Variants in CAST observed in about 807,000 individuals in gnomAD.
CAST encodes the protein calpastatin, also known as MIR583 host.
In CAST, 76 loss-of-function variants were observed where a neutral mutation model predicts 119.6. That is an observed-to-expected ratio of 0.64 (90% CI 0.53 to 0.77). CAST has a LOEUF of 0.77. CAST is among the 30% of genes least tolerant of loss of function. CAST has a pLI of 0.00. For missense variants in CAST, 953 were observed against 946.5 expected (o/e 1.01, Z -0.09); for synonymous variants, 319 against 331.6 (o/e 0.96, Z 0.41).
At chr5:96,479,456 T>A in the CAST span, among the ~76,000 whole-genome samples, 36 of 138,598 alleles carry the variant, frequency 2.6e-4, no homozygotes, top group Admixed American at 2.5e-3. Flanking sequence ...ACTCCTTATT[T>A]TTTTTTTTTT....
intron 1 of CAST, among the ~76,000 whole-genome samples, chr5:96,561,784 A>ATGGTTT (rs1561417109): frequency 5.1e-4 from 19 of 37,574 alleles, no homozygotes; most frequent in Non-Finnish European, 9.9e-4. Flanking sequence ...TATTATATAT[A>ATGGTTT]TGTTTTTTTT....
the CAST span, among the ~76,000 whole-genome samples, chr5:96,192,673 C>T: frequency 2.0e-5 from 3 of 152,206 alleles, no homozygotes; most frequent in Non-Finnish European, 4.4e-5. Flanking sequence ...ATACTTCCTA[C>T]CCCATCAACG....
At chr5:96,726,753 G>A (rs764927238) in intron 4 of CAST, 41 bp from the exon 5 acceptor site, 148 of 1,421,412 alleles carry the variant, frequency 1.0e-4, no homozygotes, top group Non-Finnish European at 1.4e-4. Flanking sequence ...TTGACTGACA[G>A]ATAAAATAAA....
rs554664689 is a variant in CAST, at chr5:96,561,096, G to A, written c.60+31216G>A. ...AAAGCATCATTCTGAGCAAACTATC[G>A]CAAGGACAAAACACCAAACACCACA... On this transcript the variant is annotated intron_variant, in intron 1 of 11. Transcript: ENST00000505143. Among the ~76,000 whole-genome samples, 6 of 149,914 alleles carry A rather than the reference G, an allele frequency of 4.0e-5. No individual in the cohort carries two copies. The South Asian group carries it at 8.5e-4, about 21-fold the overall frequency.
chr5:96,506,938 T>G, the CAST span, among the ~76,000 whole-genome samples: 2 of 152,100 alleles, frequency 1.3e-5, no homozygotes, highest in Non-Finnish European at 2.9e-5. Flanking sequence ...GGAGCCAAAC[T>G]CCTAAAGATT....
intron 27 of CAST, 101 bp from the exon 28 acceptor site, chr5:96,767,337 T>C (rs1770352330): frequency 1.1e-6 from 1 of 904,496 alleles, no homozygotes; most frequent in East Asian, 2.5e-5. Context: ...CACTCCATTT[T>C]ATCCAAGTCA....
chr5:96,688,892 G>C (rs901237119), intron 2 of CAST, among the ~76,000 whole-genome samples: 4 of 152,112 alleles, frequency 2.6e-5, no homozygotes, highest in Admixed American at 2.0e-4. Flanking sequence ...ACCTTAAAGA[G>C]AGAAGTGCTG....
At chr5:96,455,782 C>A in the CAST span, among the ~76,000 whole-genome samples, 1 of 152,220 alleles carries the variant, frequency 6.6e-6, no homozygotes, top group African/African-American at 2.4e-5. Flanking sequence ...CATATTTTTT[C>A]TCTTTTGCTG....
chr5:96,003,976 T>C, the CAST span, among the ~76,000 whole-genome samples: 237 of 152,286 alleles, frequency 1.6e-3, no homozygotes, highest in African/African-American at 4.9e-3. Flanking sequence ...TTAGGACAGC[T>C]CCCGCTTTTA....
the CAST span, among the ~76,000 whole-genome samples, chr5:96,071,101 C>A: frequency 7.2e-5 from 11 of 152,184 alleles, no homozygotes; most frequent in Admixed American, 4.6e-4. Context: ...GCCAAGATCA[C>A]GACCCATTTA....
chr5:96,559,196 T>C (rs931875319), intron 1 of CAST, among the ~76,000 whole-genome samples: 2 of 152,096 alleles, frequency 1.3e-5, no homozygotes, highest in Non-Finnish European at 2.9e-5. Context: ...TAGGTATTGA[T>C]GGGAAGTATC....
At chr5:96,242,394 G>A in the CAST span, among the ~76,000 whole-genome samples, 3 of 152,056 alleles carry the variant, frequency 2.0e-5, no homozygotes, top group Non-Finnish European at 2.9e-5. Context: ...GCCTCCCAAA[G>A]TGCCAACATT....
At chr5:96,559,866 T>C (rs910046291) in intron 1 of CAST, among the ~76,000 whole-genome samples, 3 of 152,128 alleles carry the variant, frequency 2.0e-5, no homozygotes, top group Non-Finnish European at 2.9e-5. Flanking sequence ...TTAAAGTTCA[T>C]ATGGAACCAA....
chr5:96,766,931 TG>T (rs1313043937), intron 27 of CAST, among the ~76,000 whole-genome samples: 1 of 152,208 alleles, frequency 6.6e-6, no homozygotes, highest in African/African-American at 2.4e-5. Flanking sequence ...TCTCCTTGCT[TG>T]CATTCAGTAT....
rs1761608833 is a variant in CAST, at chr5:96,736,211, G to A, written c.670G>A (p.Glu224Lys). ...ATCATTAACCCCAGCTGTGCCAGTT[G>A]AATCTAAACCGGATAAACCATCGGG... is the stretch of plus-strand genomic sequence containing the variant. ...KKSLTPAVPV[E>K]SKPDKPSGKS... is the part of the protein sequence containing the mutation. Residue 224 changes from glutamate to lysine, a missense_variant, in exon 10 of 32, where the codon GAA becomes AAA. Transcript: ENST00000675179. 1 of 1,612,804 alleles carries A rather than the reference G, an allele frequency of 6.2e-7. No individual in the cohort carries two copies. Among genetic ancestry groups the A allele is most frequent in the Non-Finnish European group, 8.5e-7 (1 of 1,179,266 alleles).
At chr5:96,560,366 T>G (rs1046271335) in intron 1 of CAST, among the ~76,000 whole-genome samples, 16 of 151,752 alleles carry the variant, frequency 1.1e-4, no homozygotes, top group African/African-American at 2.9e-4. Flanking sequence ...GGGATCTAAT[T>G]AAACTAAAGA....
chr5:96,592,411 G>A (rs973271413), intron 1 of CAST, among the ~76,000 whole-genome samples: 1 of 151,932 alleles, frequency 6.6e-6, no homozygotes, highest in African/African-American at 2.4e-5. Flanking sequence ...AAAAAAAGGG[G>A]GGGAAAACCC....
chr5:96,106,771 G>A, the CAST span, among the ~76,000 whole-genome samples: 3 of 151,096 alleles, frequency 2.0e-5, no homozygotes, highest in Non-Finnish European at 4.4e-5. Context: ...CAATTTCTGG[G>A]TATCCTTGTT....
chr5:96,183,578 GA>G, the CAST span, among the ~76,000 whole-genome samples: 7 of 151,876 alleles, frequency 4.6e-5, no homozygotes, highest in African/African-American at 1.7e-4. Flanking sequence ...TATTATCTTT[GA>G]TTTTTTTTTC....
Sources: gnomAD v4.1 joint callset for allele counts (sites outside exome capture counted in the v4.1 genomes callset) on GRCh38, gnomAD v4.1.1 for gene constraint, MANE v1.5 for transcripts, NCBI Gene and HGNC (gene_info 2026-07-23, HGNC 2026-07-21) for gene names.